The following PDE1C variants were observed in gnomAD, a reference collection of about 807,000 sequenced individuals.
PDE1C encodes phosphodiesterase 1C, also known as dual specificity calcium/calmodulin-dependent 3',5'-cyclic nucleotide phosphodiesterase 1C.
A neutral mutation model predicts 93.1 loss-of-function variants in PDE1C; 62 were observed. The observed-to-expected ratio is 0.67, with a 90% CI of 0.54 to 0.82. PDE1C has a LOEUF of 0.82. Ranked by LOEUF, PDE1C falls within the 40% of genes least tolerant of loss-of-function variation. The probability of loss-of-function intolerance (pLI) is 0.00; values close to 1 mark genes in which losing one functional copy is unlikely to be tolerated. For synonymous variants in PDE1C, 325 were observed against 310.1 expected (o/e 1.05, Z -0.50); for missense variants, 742 against 884.6 (o/e 0.84, Z 2.04).
intron 1 of PDE1C, among the ~76,000 whole-genome samples, chr7:32,404,466 G>A (rs1785012058): frequency 1.4e-5 from 2 of 140,458 alleles, no homozygotes; most frequent in Non-Finnish European, 3.1e-5. Context: ...AGACCCTCCT[G>A]CCTCTGCCTC....
chr7:31,839,406 G>A (rs1223922884), intron 9 of PDE1C, among the ~76,000 whole-genome samples: 3 of 137,854 alleles, frequency 2.2e-5, no homozygotes, highest in Non-Finnish European at 3.0e-5. Context: ...GTGTTTCCAT[G>A]TATATACATA....
chr7:32,206,195 CCTT>C (rs1344475449), intron 2 of PDE1C, among the ~76,000 whole-genome samples: 3 of 151,992 alleles, frequency 2.0e-5, no homozygotes, highest in Admixed American at 6.6e-5. Context: ...ATGTAGGAGA[CCTT>C]TGAGGATATA....
At chr7:31,877,207 G>A (rs975220963) in intron 5 of PDE1C, among the ~76,000 whole-genome samples, 3 of 152,186 alleles carry the variant, frequency 2.0e-5, no homozygotes, top group African/African-American at 4.8e-5. Flanking sequence ...TTGGAATCCA[G>A]AAGCCAAATC....
intron 2 of PDE1C, among the ~76,000 whole-genome samples, chr7:32,171,016 C>A (rs1802613998): frequency 6.6e-6 from 1 of 152,168 alleles, no homozygotes. Flanking sequence ...CCCTGCCTTG[C>A]CTGTTCCTTC....
At chr7:31,639,538 GTTTTTT>G in the PDE1C span, among the ~76,000 whole-genome samples, 1 of 142,516 alleles carries the variant, frequency 7.0e-6, no homozygotes, top group Non-Finnish European at 1.5e-5. Flanking sequence ...GTTTGTTTTT[GTTTTTT>G]TTTTTTTTTT....
chr7:32,077,915 C>T, intron 3 of PDE1C: 1 of 985,390 alleles, frequency 1.0e-6, no homozygotes, highest in Non-Finnish European at 1.2e-6. Flanking sequence ...AGTCTGCCAG[C>T]TTCCCTCCGG....
chr7:31,809,597 T>G (rs1262509358), intron 15 of PDE1C, among the ~76,000 whole-genome samples: 1 of 152,074 alleles, frequency 6.6e-6, no homozygotes, highest in Non-Finnish European at 1.5e-5. Flanking sequence ...TGTCAAAATG[T>G]AGTTTGTAAA....
At chr7:31,928,686 A>G (rs1196405064) in intron 2 of PDE1C, among the ~76,000 whole-genome samples, 1 of 152,184 alleles carries the variant, frequency 6.6e-6, no homozygotes, top group Non-Finnish European at 1.5e-5. Context: ...CCAAAAACTA[A>G]GCTTCATAAG....
At chr7:31,826,212 T>A (rs1348124262) in intron 12 of PDE1C, among the ~76,000 whole-genome samples, 1 of 152,164 alleles carries the variant, frequency 6.6e-6, no homozygotes, top group Non-Finnish European at 1.5e-5. Flanking sequence ...TGGAAATGTA[T>A]GAATGCATAT....
At chr7:31,982,821 C>G (rs756752632) in intron 2 of PDE1C, among the ~76,000 whole-genome samples, 2 of 152,064 alleles carry the variant, frequency 1.3e-5, no homozygotes, top group Non-Finnish European at 2.9e-5. Flanking sequence ...GAAAAAGAAA[C>G]AATTCATAAG....
intron 2 of PDE1C, among the ~76,000 whole-genome samples, chr7:31,988,182 A>G (rs371754771): frequency 1.3e-5 from 2 of 152,218 alleles, no homozygotes; most frequent in South Asian, 4.2e-4. Flanking sequence ...CAGGCCCCCC[A>G]GTGGTGGCAA....
chr7:31,769,960 T>C (rs1795378298), intron 17 of PDE1C, among the ~76,000 whole-genome samples: 1 of 152,268 alleles, frequency 6.6e-6, no homozygotes, highest in African/African-American at 2.4e-5. Flanking sequence ...CACTCTATGA[T>C]TAACTTTTTG....
chr7:32,089,791 A>G lies in PDE1C; in HGVS notation c.308+79994T>C, dbSNP rs568764623. ...GAGCAATGTGTGGAATATTGGAAGC[A>G]GAGTCAGGGACCCCAGATAAGAAAC... On this transcript the variant is annotated intron_variant, in intron 3 of 18. Transcript: ENST00000396193. 3.9e-5 allele frequency among the ~76,000 whole-genome samples: 6 copies of G among 152,340 alleles called. No homozygotes were observed. The South Asian group carries it at 1.0e-3, about 26-fold the overall frequency.
At chr7:32,311,549 A>C (rs536712881) in intron 1 of PDE1C, among the ~76,000 whole-genome samples, 2 of 152,330 alleles carry the variant, frequency 1.3e-5, no homozygotes, top group South Asian at 2.1e-4. Flanking sequence ...CAAAAAGCTT[A>C]TCCACCATGA....
At chr7:32,179,410 G>A (rs957882824) in intron 2 of PDE1C, among the ~76,000 whole-genome samples, 17 of 151,812 alleles carry the variant, frequency 1.1e-4, no homozygotes, top group East Asian at 1.9e-4. Flanking sequence ...ACAGACGTCC[G>A]CCACCATGCC....
At chr7:31,925,756 A>G (rs1042945469) in intron 2 of PDE1C, among the ~76,000 whole-genome samples, 4 of 152,210 alleles carry the variant, frequency 2.6e-5, no homozygotes, top group Non-Finnish European at 5.9e-5. Flanking sequence ...GATTATTTAC[A>G]CTGAGAATGA....
intron 1 of PDE1C, among the ~76,000 whole-genome samples, chr7:32,066,701 G>A (rs1795447065): frequency 6.6e-6 from 1 of 152,098 alleles, no homozygotes; most frequent in Non-Finnish European, 1.5e-5. Flanking sequence ...CCACAGCCCT[G>A]TTTCCCTGAC....
intron 2 of PDE1C, among the ~76,000 whole-genome samples, chr7:32,039,752 A>G (rs555968334): frequency 6.6e-6 from 1 of 152,222 alleles, no homozygotes; most frequent in South Asian, 2.1e-4. Flanking sequence ...TGAAATCACT[A>G]TTATAATTTA....
chr7:32,114,999 C>T (rs1015099132), intron 3 of PDE1C, among the ~76,000 whole-genome samples: 2 of 152,114 alleles, frequency 1.3e-5, no homozygotes, highest in Non-Finnish European at 2.9e-5. Context: ...AATAGGAACA[C>T]TTTTACACTA....
Sources: gnomAD v4.1 joint callset for allele counts (sites outside exome capture counted in the v4.1 genomes callset) on GRCh38, gnomAD v4.1.1 for gene constraint, MANE v1.5 for transcripts, NCBI Gene and HGNC (gene_info 2026-07-23, HGNC 2026-07-21) for gene names.